The following ARSB variants were observed in gnomAD, a reference collection of about 807,000 sequenced individuals.
ARSB encodes arylsulfatase B, also known as N-acetylgalactosamine-4-sulfatase.
ARSB carries 41 observed loss-of-function variants against 50.9 expected under a neutral mutation model. The observed-to-expected ratio is 0.81, with a 90% confidence interval of 0.63 to 1.04. The LOEUF is 1.04. Ranked by LOEUF, ARSB falls within the 50% of genes least tolerant of loss-of-function variation. The pLI is 0.00. For missense variants in ARSB, 672 were observed against 693.3 expected, an observed-to-expected ratio of 0.97 and a Z score of 0.35; for synonymous variants, 269 against 284.8, an observed-to-expected ratio of 0.94 and a Z score of 0.56.
intron 4 of ARSB, among the ~76,000 whole-genome samples, chr5:78,897,944 C>A (rs529435345): frequency 6.6e-6 from 1 of 151,844 alleles, no homozygotes; most frequent in African/African-American, 2.4e-5. Context: ...TGCCCTATAC[C>A]CATTAAAGAC....
At chr5:78,815,512 G>C (rs1383651806) in intron 6 of ARSB, 1 of 982,798 alleles carries the variant, frequency 1.0e-6, no homozygotes, top group Non-Finnish European at 1.2e-6. Context: ...TTAGCAACCT[G>C]TGAAACTGTA....
intron 4 of ARSB, among the ~76,000 whole-genome samples, chr5:78,900,765 C>T (rs1007123955): frequency 1.3e-5 from 2 of 152,088 alleles, no homozygotes; most frequent in African/African-American, 4.8e-5. Flanking sequence ...AATGGGCGGG[C>T]GCAGTAGCTC....
chr5:78,900,026 G>A (rs1176680978), intron 4 of ARSB, among the ~76,000 whole-genome samples: 2 of 152,122 alleles, frequency 1.3e-5, no homozygotes, highest in African/African-American at 4.8e-5. Flanking sequence ...GGCGCTATAA[G>A]CCCAGGTTCA....
intron 3 of ARSB, among the ~76,000 whole-genome samples, chr5:78,959,571 A>G (rs1751893488): frequency 6.6e-6 from 1 of 152,154 alleles, no homozygotes; most frequent in Non-Finnish European, 1.5e-5. Flanking sequence ...GATTATTTTA[A>G]GTTGACACTC....
chr5:78,966,101 T>A (rs1752193653), intron 2 of ARSB, among the ~76,000 whole-genome samples: 1 of 152,260 alleles, frequency 6.6e-6, no homozygotes, highest in African/African-American at 2.4e-5. Context: ...TCAGGTTCTT[T>A]AACTGTTAAG....
intron 4 of ARSB, among the ~76,000 whole-genome samples, chr5:78,919,919 G>A (rs1580060977): frequency 1.3e-5 from 2 of 152,274 alleles, no homozygotes; most frequent in Admixed American, 1.3e-4. Flanking sequence ...TTCCAATAAG[G>A]CAAACACAAA....
At chr5:78,859,415 G>A (rs1446486277) in intron 5 of ARSB, among the ~76,000 whole-genome samples, 2 of 152,062 alleles carry the variant, frequency 1.3e-5, no homozygotes, top group African/African-American at 4.8e-5. Flanking sequence ...AAAAATAATT[G>A]GTAGGACTTC....
At chr5:78,824,801 AACAATG>A (rs148540823) in intron 6 of ARSB, among the ~76,000 whole-genome samples, 2,201 of 152,346 alleles carry the variant, frequency 0.014, 47 homozygotes, top group African/African-American at 0.05. Context: ...GAAGTAGGAA[AACAATG>A]CCAAGATTAT....
intron 5 of ARSB, among the ~76,000 whole-genome samples, chr5:78,850,513 A>T (rs1187326927): frequency 6.6e-6 from 1 of 152,038 alleles, no homozygotes; most frequent in African/African-American, 2.4e-5. Flanking sequence ...TATTGGTCTA[A>T]AATTCTCTTT....
chr5:78,848,081 A>G (rs900954887), intron 5 of ARSB, among the ~76,000 whole-genome samples: 1 of 150,606 alleles, frequency 6.6e-6, no homozygotes, highest in Non-Finnish European at 1.5e-5. Flanking sequence ...TTTTATTATT[A>G]TTATACTTTA....
chr5:78,861,248 C>G (rs1338135644), intron 5 of ARSB, among the ~76,000 whole-genome samples: 1 of 152,168 alleles, frequency 6.6e-6, no homozygotes, highest in Non-Finnish European at 1.5e-5. Flanking sequence ...GGGAATCCTC[C>G]CTAACTCATT....
chr5:78,859,756 T>C (rs567660021), intron 5 of ARSB, among the ~76,000 whole-genome samples: 1 of 152,084 alleles, frequency 6.6e-6, no homozygotes, highest in African/African-American at 2.4e-5. Flanking sequence ...GAACTGTCCT[T>C]AGAGAGGCAC....
At chr5:78,873,973 GCC>G (rs1167369378) in intron 5 of ARSB, among the ~76,000 whole-genome samples, 1 of 152,072 alleles carries the variant, frequency 6.6e-6, no homozygotes, top group Non-Finnish European at 1.5e-5. Context: ...TCTTCTGGGT[GCC>G]CAGACAAAAA....
chr5:78,964,575 G>T lies in ARSB; in HGVS notation c.531C>A (p.Ser177=). ...CGTCAATTAATGTACAGCGTTCATGGGAATAATAATCTTCACTACCCAGGA... is the reference window on the plus strand; with the variant it reads ...CGTCAATTAATGTACAGCGTTCATGTGAATAATAATCTTCACTACCCAGGA... The part of the protein sequence containing the change: ...GYLLGSEDYY[S]HERCTLIDAL... The change falls in exon 3 of 8, where the codon TCC becomes TCA. Residue 177 remains serine, a synonymous_variant. Coordinates refer to ENST00000264914, the MANE Select transcript of ARSB (RefSeq NM_000046.5). 6.2e-7 allele frequency: 1 copy of T among 1,613,788 alleles called. No homozygotes were observed. The highest frequency in any genetic ancestry group is 8.5e-7 in the Non-Finnish European group (1 of 1,179,914).
Position 78,955,362 on chromosome 5 carries a change from T to C in ARSB, c.831A>G (p.Val277=). The part of the protein sequence containing the change: ...AGMVSLMDEA[V]GNVTAALKSS... ...TTTTTAAAGCTGCAGTGACATTTCCTACTGCTTCATCCATAAGGGACACCA... is the reference window on the plus strand; with the variant it reads ...TTTTTAAAGCTGCAGTGACATTTCCCACTGCTTCATCCATAAGGGACACCA... Residue 277 remains valine (V), a synonymous_variant, in exon 4 of 8, where the codon GTA becomes GTG. Transcript: ENST00000264914. 1 of 1,614,224 alleles carries C rather than the reference T, an allele frequency of 6.2e-7. No individual in the cohort carries two copies. Among genetic ancestry groups the C allele is most frequent in the African/African-American group, 1.3e-5 (1 of 75,072 alleles).
chr5:78,868,104 T>A (rs904808389), intron 5 of ARSB, among the ~76,000 whole-genome samples: 5 of 144,514 alleles, frequency 3.5e-5, no homozygotes, highest in African/African-American at 1.3e-4. Flanking sequence ...AGAAGGGACG[T>A]TTAGAGAAAA....
intron 5 of ARSB, among the ~76,000 whole-genome samples, chr5:78,851,229 G>A: frequency 6.6e-6 from 1 of 152,116 alleles, no homozygotes; most frequent in South Asian, 2.1e-4. Flanking sequence ...ACACTGCTTT[G>A]AATGTGTCCC....
At chr5:78,843,327 G>A (rs1218060559) in intron 5 of ARSB, among the ~76,000 whole-genome samples, 4 of 152,138 alleles carry the variant, frequency 2.6e-5, no homozygotes, top group African/African-American at 4.8e-5. Flanking sequence ...GAAGCCTCCC[G>A]GAGTCCTTCC....
At position 78,936,572 on chromosome 5, in the gene ARSB, C is replaced by T. The variant is rs978239933; in HGVS notation, c.898+18723G>A. 4.9e-4 allele frequency among the ~76,000 whole-genome samples: 74 copies of T among 152,068 alleles called. 1 individual carries two copies. The highest frequency in any genetic ancestry group is 1.5e-4 in the Non-Finnish European group (10 of 68,002). On this transcript the variant is annotated intron_variant, in intron 4 of 7. Coordinates refer to ENST00000264914, the MANE Select transcript of ARSB (RefSeq NM_000046.5). ...CTTAACTTGAATCAAAATAAATGAACCTCTGCTCACATAGGAAGCTGTCTT... is the reference window on the plus strand; with the variant it reads ...CTTAACTTGAATCAAAATAAATGAATCTCTGCTCACATAGGAAGCTGTCTT...
Sources: allele counts gnomAD v4.1 joint callset (sites outside exome capture counted in the v4.1 genomes callset), GRCh38; gene constraint gnomAD v4.1.1; transcripts MANE v1.5; gene names NCBI Gene and HGNC (gene_info 2026-07-23, HGNC 2026-07-21).